Variants in HHIPL1 observed in about 807,000 individuals in gnomAD.
The protein encoded by HHIPL1 is HHIP like 1.
In HHIPL1, 43 loss-of-function variants were observed where a neutral mutation model predicts 61.8. The ratio of observed to expected loss-of-function variants is 0.70; its 90% CI spans 0.55 to 0.90. The LOEUF (loss-of-function observed/expected upper bound fraction) is 0.90, where lower values mean the gene tolerates loss of function less well. Among genes scored for constraint, HHIPL1 ranks in the 40% least tolerant of loss-of-function variants. The pLI is 0.00. For synonymous variants in HHIPL1, 482 were observed against 515.8 expected (o/e 0.93, Z 0.89); for missense variants, 1,056 against 1,157.7 (o/e 0.91, Z 1.28).
intron 6 of HHIPL1, among the ~76,000 whole-genome samples, chr14:99,663,812 C>G (rs779541351): frequency 2.0e-5 from 3 of 152,116 alleles, no homozygotes; most frequent in Non-Finnish European, 4.4e-5. Flanking sequence ...TTGCCATGAG[C>G]TTTAGTCTAA....
chr14:99,637,102 A>AG, the HHIPL1 span, among the ~76,000 whole-genome samples: 1 of 130,940 alleles, frequency 7.6e-6, no homozygotes, highest in Non-Finnish European at 1.7e-5. Context: ...GAAGGAAGGA[A>AG]AAAAGAAAGA....
At chr14:99,645,011 A>G, upstream of HHIPL1, 1 of 428,216 alleles carries the variant, frequency 2.3e-6, no homozygotes, top group Non-Finnish European at 3.9e-6. Context: ...GTCGTGCCGC[A>G]TTCTGCGCCG....
chr14:99,643,184 C>T (rs1191495000), upstream of HHIPL1, among the ~76,000 whole-genome samples: 1 of 152,080 alleles, frequency 6.6e-6, no homozygotes, highest in Non-Finnish European at 1.5e-5. Flanking sequence ...GGATTATAGG[C>T]GCGTGCCACC....
intron 6 of HHIPL1, among the ~76,000 whole-genome samples, chr14:99,666,805 C>T (rs377271222): frequency 6.6e-5 from 10 of 152,224 alleles, no homozygotes; most frequent in Non-Finnish European, 1.2e-4. Flanking sequence ...GCTCCTCCCC[C>T]GACCTCCCCA....
chr14:99,628,043 G>C, the HHIPL1 span, among the ~76,000 whole-genome samples: 1,766 of 152,136 alleles, frequency 0.012, 44 homozygotes, highest in African/African-American at 0.041. Context: ...TGGATTGGAG[G>C]GGGCAGGCCA....
intron 7 of HHIPL1, among the ~76,000 whole-genome samples, chr14:99,671,801 A>C (rs1211305039): frequency 6.6e-6 from 1 of 151,820 alleles, no homozygotes; most frequent in Non-Finnish European, 1.5e-5. Flanking sequence ...TGCTTTCCTT[A>C]CCACCCCCGC....
At chr14:99,632,346 C>A in the HHIPL1 span, among the ~76,000 whole-genome samples, 1 of 152,206 alleles carries the variant, frequency 6.6e-6, no homozygotes, top group African/African-American at 2.4e-5. Flanking sequence ...GGAGCTCACT[C>A]CCTCTGGGGG....
intron 2 of HHIPL1, among the ~76,000 whole-genome samples, chr14:99,654,171 A>G (rs1790860169): frequency 6.9e-6 from 1 of 144,432 alleles, no homozygotes; most frequent in South Asian, 2.4e-4. Flanking sequence ...CCTGGATGAC[A>G]GAGCAAGACT....
intron 1 of HHIPL1, among the ~76,000 whole-genome samples, chr14:99,645,926 TGG>T (rs1282002613): frequency 6.6e-6 from 1 of 152,170 alleles, no homozygotes; most frequent in African/African-American, 2.4e-5. Context: ...GGTCAACGTG[TGG>T]CCCGGGTTTG....
chr14:99,610,913 C>G, the HHIPL1 span, among the ~76,000 whole-genome samples: 1 of 152,156 alleles, frequency 6.6e-6, no homozygotes, highest in African/African-American at 2.4e-5. Context: ...GGTTACTCAA[C>G]CTCAGCGTGG....
intron 2 of HHIPL1, among the ~76,000 whole-genome samples, chr14:99,655,509 A>G (rs2056013708): frequency 6.6e-6 from 1 of 152,170 alleles, no homozygotes; most frequent in Non-Finnish European, 1.5e-5. Flanking sequence ...CTGTAGTCTC[A>G]GCTACTCAGG....
At chr14:99,620,647 C>T in the HHIPL1 span, among the ~76,000 whole-genome samples, 1 of 152,224 alleles carries the variant, frequency 6.6e-6, no homozygotes, top group Non-Finnish European at 1.5e-5. Flanking sequence ...GGACAGGGGC[C>T]ACTGTGGGAA....
At chr14:99,669,157 C>T (rs1270879381) in intron 7 of HHIPL1, 2 of 1,350,492 alleles carry the variant, frequency 1.5e-6, no homozygotes, top group African/African-American at 1.5e-5. Flanking sequence ...CCCAGCTGCT[C>T]TGGGAGTCTC....
In HHIPL1 at chr14:99,660,187, G is replaced by T. The variant is rs1204523293; in HGVS notation, c.1376-93G>T. The T allele has an allele frequency of 2.7e-6, 4 of 1,487,312 alleles. No individual in the cohort carries two copies. The allele number at this position is 1,487,312 out of a possible 1,614,324, so 92.1% of individuals were successfully genotyped here. A position where few individuals can be genotyped will look rare whatever the true frequency, so the allele number is the denominator to read the frequency against. ...TGGGCACGCCCCTCCCTCCGTGGCCGCCCCACCCCCGCGGAATCCCTCCGG... is the reference window on the plus strand; with the variant it reads ...TGGGCACGCCCCTCCCTCCGTGGCCTCCCCACCCCCGCGGAATCCCTCCGG... On this transcript the variant is annotated intron_variant, in intron 4 of 8. Transcript: ENST00000330710. The surrounding 1 kb of genome is among the most constrained non-coding windows in gnomAD (Gnocchi z 4.9).
At chr14:99,673,029 G>A (rs2056342298) in intron 8 of HHIPL1, among the ~76,000 whole-genome samples, 1 of 152,226 alleles carries the variant, frequency 6.6e-6, no homozygotes. Context: ...TTCTCAGCCT[G>A]TTAGGTACAA....
chr14:99,626,571 A>G, the HHIPL1 span, among the ~76,000 whole-genome samples: 1 of 152,220 alleles, frequency 6.6e-6, no homozygotes, highest in African/African-American at 2.4e-5. Flanking sequence ...TGAGCTCCCA[A>G]CAGGATGGGT....
At chr14:99,621,389 G>A in the HHIPL1 span, among the ~76,000 whole-genome samples, 2 of 152,202 alleles carry the variant, frequency 1.3e-5, no homozygotes, top group African/African-American at 2.4e-5. Flanking sequence ...CCACCCCACC[G>A]CTGCTATTCA....
At chr14:99,638,658 T>C in the HHIPL1 span, among the ~76,000 whole-genome samples, 3 of 152,124 alleles carry the variant, frequency 2.0e-5, no homozygotes, top group Non-Finnish European at 4.4e-5. Flanking sequence ...AGAGGTTGGG[T>C]TGAGGGAGAG....
chr14:99,644,890 A>G (rs546648593), upstream of HHIPL1, among the ~76,000 whole-genome samples: 1 of 152,266 alleles, frequency 6.6e-6, no homozygotes, highest in Non-Finnish European at 1.5e-5. Context: ...CTCCCTGGCT[A>G]AAGAGCGCCC....
Sources: gnomAD v4.1 joint callset for allele counts (sites outside exome capture counted in the v4.1 genomes callset) on GRCh38, gnomAD v4.1.1 for gene constraint, Gnocchi (gnomAD v3.1) non-coding constraint, MANE v1.5 for transcripts, NCBI Gene and HGNC (gene_info 2026-07-23, HGNC 2026-07-21) for gene names.